ADGRG6: variants seen among roughly 807,000 people sequenced by gnomAD.
ADGRG6 encodes the protein G-protein coupled receptor 126.
ADGRG6 carries 84 observed loss-of-function variants against 142.4 expected under a neutral mutation model. That is an observed-to-expected ratio of 0.59 (90% CI 0.49 to 0.71). The LOEUF (loss-of-function observed/expected upper bound fraction) is 0.71, where lower values mean the gene tolerates loss of function less well. ADGRG6 is among the 30% of genes least tolerant of loss of function. The pLI, the probability that ADGRG6 is intolerant of heterozygous loss-of-function variation, is 0.00. For synonymous variants in ADGRG6, 521 were observed against 520.5 expected, an observed-to-expected ratio of 1.00 and a Z score of -0.01; for missense variants, 1,367 against 1,466.6, an observed-to-expected ratio of 0.93 and a Z score of 1.11.
At chr6:142,373,401 T>A (rs1781347203) in intron 4 of ADGRG6, among the ~76,000 whole-genome samples, 1 of 152,172 alleles carries the variant, frequency 6.6e-6, no homozygotes, top group Non-Finnish European at 1.5e-5. Context: ...AAATAATATT[T>A]GTTTCCCACA....
chr6:142,443,451 A>C lies in ADGRG6; in HGVS notation c.3689A>C (p.His1230Pro), dbSNP rs1777853489. 1.9e-6 allele frequency: 3 copies of C among 1,611,658 alleles called. No homozygotes were observed. Among genetic ancestry groups the C allele is most frequent in the African/African-American group, 1.3e-5 (1 of 74,842 alleles). The change falls in exon 25 of 25, where the codon CAT becomes CCT. Residue 1230 changes from histidine (H) to proline (P), a missense_variant. By Grantham distance (77) the His-to-Pro change is moderately conservative (BLOSUM62 -2). Around this residue, in one of 3 missense-constraint regions of ADGRG6, gnomAD observed 344 missense variants for 348.7 expected, o/e 0.99. Coordinates refer to ENST00000367609, the MANE Select transcript of ADGRG6 (RefSeq NM_198569.3). ...IDKVKGYCNA[H>P]SDNFYKNIIM... ...AAGGTCAAGGGTTATTGCAATGCTC[A>C]TTCAGACAACTTCTATAAAAATATT...
chr6:142,312,736 G>A (rs975644741), intron 2 of ADGRG6, among the ~76,000 whole-genome samples: 1 of 152,010 alleles, frequency 6.6e-6, no homozygotes, highest in African/African-American at 2.4e-5. Flanking sequence ...ACATAAATAT[G>A]TAGAGAAATC....
rs556046665 is a variant in ADGRG6, at chr6:142,330,200, G to A, written c.103+20556G>A. Among the ~76,000 whole-genome samples, 8 of 152,058 alleles carry A rather than the reference G, an allele frequency of 5.3e-5. No homozygotes were observed. In the South Asian group the frequency reaches 1.0e-3, roughly 20 times the overall value. ...ATGTCCCTCCAAAGGACATGATCTC[G>A]TTCTTTTTAATGGCTGCATTGGATC... On this transcript the variant is annotated intron_variant, in intron 2 of 24. Transcript: ENST00000367609.
rs765782642 is a variant in ADGRG6, at chr6:142,405,818, G to A, written c.2258G>A (p.Gly753Glu). The A allele has an allele frequency of 1.3e-6, 2 of 1,596,798 alleles. No homozygotes were observed. Among genetic ancestry groups the A allele is most frequent in the Non-Finnish European group, 1.7e-6 (2 of 1,172,580 alleles). Residue 753 changes from glycine (G) to glutamate (E), a missense_variant, in exon 15 of 25, where the codon GGA becomes GAA. Gly to Glu is a moderately conservative substitution (Grantham distance 98). This residue lies in a region of ADGRG6 where 286 missense variants were observed against 371.4 expected (regional missense o/e 0.77). Transcript: ENST00000367609. Reference protein sequence around the residue: ...RAQFTFFNKTGLFQDVGPQRK... With the variant: ...RAQFTFFNKTELFQDVGPQRK... The stretch of plus-strand genomic sequence containing the variant: ...CAGTTTACTTTCTTCAACAAAACTG[G>A]ACTTTTCCAGGTAAGCACATTCATT...
At chr6:142,369,405 C>G (rs941385126) in intron 3 of ADGRG6, among the ~76,000 whole-genome samples, 2 of 152,156 alleles carry the variant, frequency 1.3e-5, no homozygotes, top group Non-Finnish European at 2.9e-5. Flanking sequence ...ACCATATATA[C>G]AATAGGTGCC....
At chr6:142,441,082 A>G in intron 24 of ADGRG6, 2 of 552,366 alleles carry the variant, frequency 3.6e-6, no homozygotes, top group Non-Finnish European at 6.4e-6. Flanking sequence ...GCACAATGAC[A>G]TTCCTGCATT....
At position 142,371,728 on chromosome 6, in the gene ADGRG6, G is replaced by A. The variant is rs188798064; in HGVS notation, c.1069+935G>A. Reference sequence around the variant, plus strand: ...TCTCAATCTCCTGACCTCGTGATCGGCCCACCTTGGCCTCCCAAAATGTTA... The same window carrying A: ...TCTCAATCTCCTGACCTCGTGATCGACCCACCTTGGCCTCCCAAAATGTTA... On this transcript the variant is annotated intron_variant, in intron 4 of 24. Coordinates refer to ENST00000367609, the MANE Select transcript of ADGRG6 (RefSeq NM_198569.3). 2.1e-4 allele frequency among the ~76,000 whole-genome samples: 32 copies of A among 151,960 alleles called. No individual in the cohort carries two copies. In the East Asian group the frequency reaches 5.8e-3, roughly 28 times the overall value.
intron 4 of ADGRG6, among the ~76,000 whole-genome samples, chr6:142,372,262 A>C (rs1781294138): frequency 6.6e-6 from 1 of 152,244 alleles, no homozygotes; most frequent in Non-Finnish European, 1.5e-5. Flanking sequence ...TCATATGACT[A>C]AATCTAAGGC....
chr6:142,359,150 TG>T (rs1446702593), intron 2 of ADGRG6, among the ~76,000 whole-genome samples: 2 of 141,850 alleles, frequency 1.4e-5, no homozygotes, highest in Non-Finnish European at 3.0e-5. Context: ...GAGGCTTCAG[TG>T]AGCCATGATT....
intron 7 of ADGRG6, among the ~76,000 whole-genome samples, chr6:142,390,580 G>A (rs931620568): frequency 7.2e-5 from 11 of 151,810 alleles, no homozygotes; most frequent in Admixed American, 5.9e-4. Context: ...GAAAAGTATC[G>A]CACAAATGGA....
intron 20 of ADGRG6, among the ~76,000 whole-genome samples, chr6:142,416,367 G>A (rs2294764): frequency 0.4 from 60,176 of 151,996 alleles, 13,584 homozygotes; most frequent in African/African-American, 0.63. Flanking sequence ...CAGCTGGCAG[G>A]CAGTGATGTC....
chr6:142,407,030 A>C (rs913009616), intron 15 of ADGRG6, among the ~76,000 whole-genome samples: 1 of 151,898 alleles, frequency 6.6e-6, no homozygotes, highest in Non-Finnish European at 1.5e-5. Flanking sequence ...TCTCTACCAA[A>C]GTTGTTATTA....
chr6:142,364,584 C>T (rs1400434149), intron 2 of ADGRG6, among the ~76,000 whole-genome samples: 4 of 152,142 alleles, frequency 2.6e-5, no homozygotes, highest in Admixed American at 6.6e-5. Context: ...AATATTAATC[C>T]ATGTTATCCT....
At chr6:142,419,294 G>A (rs192440098) in intron 21 of ADGRG6, among the ~76,000 whole-genome samples, 22 of 152,154 alleles carry the variant, frequency 1.4e-4, no homozygotes, top group African/African-American at 3.9e-4. Flanking sequence ...TGCTGGCTGC[G>A]GCTCCATAGC....
At chr6:142,350,959 G>A (rs528403768) in intron 2 of ADGRG6, among the ~76,000 whole-genome samples, 6 of 152,236 alleles carry the variant, frequency 3.9e-5, no homozygotes, top group African/African-American at 1.4e-4. Context: ...AAGTAGGCTG[G>A]GCACGGTGGC....
intron 2 of ADGRG6, among the ~76,000 whole-genome samples, chr6:142,361,412 G>A (rs184279040): frequency 4.6e-4 from 70 of 152,148 alleles, no homozygotes; most frequent in Admixed American, 1.6e-3. Context: ...GAGATCCTCC[G>A]GCCAAACAGA....
intron 2 of ADGRG6, among the ~76,000 whole-genome samples, chr6:142,344,507 G>A (rs141614906): frequency 1.3e-5 from 2 of 152,074 alleles, no homozygotes; most frequent in East Asian, 3.9e-4. Context: ...AAACAGTGTG[G>A]ATGAACATTT....
chr6:142,373,168 A>G (rs972662824), intron 4 of ADGRG6, among the ~76,000 whole-genome samples: 1 of 152,158 alleles, frequency 6.6e-6, no homozygotes, highest in African/African-American at 2.4e-5. Flanking sequence ...CCAGGATTGG[A>G]GCTTGGAAAG....
In ADGRG6 at chr6:142,443,564, G is replaced by C; in HGVS notation, c.*49G>C. On this transcript the variant is annotated 3_prime_UTR_variant, in exon 25 of 25. Coordinates refer to ENST00000367609, the MANE Select transcript of ADGRG6 (RefSeq NM_198569.3). ...TCTGCAGAAATGTGAAGATTTGCAA[G>C]CAGTGTAAACTGCAACTAGTGATGT... is the stretch of plus-strand genomic sequence containing the variant. 7.2e-7 allele frequency: 1 copy of C among 1,390,818 alleles called. No homozygotes were observed. Among genetic ancestry groups the C allele is most frequent in the Non-Finnish European group, 1.0e-6 (1 of 993,324 alleles). 86.2% of individuals were successfully genotyped at this position (1,390,818 alleles called of 1,614,324 possible).
Sources: allele counts gnomAD v4.1 joint callset (sites outside exome capture counted in the v4.1 genomes callset), GRCh38; gene constraint gnomAD v4.1.1; regional missense constraint gnomAD v4.1.1; transcripts MANE v1.5; gene names NCBI Gene and HGNC (gene_info 2026-07-23, HGNC 2026-07-21).